Variants in RIMS1 observed in about 807,000 individuals in gnomAD.
RIMS1 encodes regulating synaptic membrane exocytosis 1, also known as regulating synaptic membrane exocytosis protein 1.
In RIMS1, 83 loss-of-function variants were observed where a neutral mutation model predicts 214.1. The observed-to-expected ratio is 0.39, with a 90% confidence interval of 0.32 to 0.47. The LOEUF (loss-of-function observed/expected upper bound fraction) is 0.47. Among genes scored for constraint, RIMS1 ranks in the 20% least tolerant of loss-of-function variants. RIMS1 has a pLI of 0.99. For missense variants in RIMS1, 2,050 were observed against 2,161.8 expected (o/e 0.95, Z 1.03); for synonymous variants, 793 against 786.8 (o/e 1.01, Z -0.13).
chr6:72,256,350 A>T (rs2075874254), intron 16 of RIMS1, among the ~76,000 whole-genome samples: 2 of 152,238 alleles, frequency 1.3e-5, no homozygotes, highest in East Asian at 1.9e-4. Flanking sequence ...GTTACATTAA[A>T]AGTTGTTAAT....
chr6:72,158,302 A>G (rs2044725412), intron 4 of RIMS1, among the ~76,000 whole-genome samples: 1 of 141,298 alleles, frequency 7.1e-6, no homozygotes, highest in African/African-American at 2.5e-5. Flanking sequence ...TCACCAAAGT[A>G]TAATTGCATT....
Position 72,182,558 on chromosome 6 carries a change from C to G in RIMS1, c.1087C>G (p.Arg363Gly). ...GTACCGCAGCGACCCGAACCTAGCT[C>G]GGTACCCGGTGAAACCGCCGCCTGA... The part of the protein sequence containing the change: ...TRYRSDPNLA[R>G]YPVKPPPEEQ... The change falls in exon 6 of 34, where the codon CGG (arginine) becomes GGG (glycine). Residue 363 changes from arginine to glycine, a missense_variant. Transcript: ENST00000521978. 2 of 1,551,066 alleles carry G rather than the reference C, an allele frequency of 1.3e-6. No individual in the cohort carries two copies. The highest frequency in any genetic ancestry group is 1.2e-5 in the South Asian group (1 of 84,150).
At chr6:72,147,863 C>T (rs890484994) in intron 4 of RIMS1, among the ~76,000 whole-genome samples, 1 of 152,080 alleles carries the variant, frequency 6.6e-6, no homozygotes, top group Non-Finnish European at 1.5e-5. Context: ...GAGATTTTTA[C>T]CATTCCTGCA....
At chr6:72,396,290 G>C (rs1476679942) in intron 31 of RIMS1, among the ~76,000 whole-genome samples, 2 of 151,102 alleles carry the variant, frequency 1.3e-5, no homozygotes, top group Non-Finnish European at 2.9e-5. Context: ...GTGTGTATGT[G>C]TGTGTGTATT....
chr6:72,031,739 T>G (rs1008367464), intron 2 of RIMS1, among the ~76,000 whole-genome samples: 5 of 152,178 alleles, frequency 3.3e-5, no homozygotes, highest in African/African-American at 1.2e-4. Context: ...CCTGAAATCC[T>G]TACATTTCAA....
chr6:72,213,110 C>A (rs1458303671), intron 6 of RIMS1: 10 of 1,536,644 alleles, frequency 6.5e-6, no homozygotes, highest in Non-Finnish European at 7.8e-6. Context: ...GATTTATTTC[C>A]AAGTTTGCTG....
At chr6:72,146,282 G>C (rs189126204) in intron 4 of RIMS1, among the ~76,000 whole-genome samples, 3 of 152,242 alleles carry the variant, frequency 2.0e-5, no homozygotes, top group African/African-American at 7.2e-5. Flanking sequence ...AATCTGTCAC[G>C]TGTCTTTCCC....
chr6:72,397,376 G>A (rs370505769), intron 31 of RIMS1, among the ~76,000 whole-genome samples: 1 of 152,090 alleles, frequency 6.6e-6, no homozygotes, highest in Non-Finnish European at 1.5e-5. Context: ...TTAAAATATC[G>A]TTTTAACCAG....
intron 24 of RIMS1, among the ~76,000 whole-genome samples, chr6:72,285,286 G>GT (rs778623598): frequency 4.6e-5 from 7 of 152,170 alleles, no homozygotes; most frequent in Non-Finnish European, 1.0e-4. Flanking sequence ...GGATCTAGGG[G>GT]TAGATGCAAG....
At chr6:72,307,568 A>T (rs1236873118) in intron 27 of RIMS1, among the ~76,000 whole-genome samples, 198 bp downstream of exon 27, 1 of 152,076 alleles carries the variant, frequency 6.6e-6, no homozygotes, top group Non-Finnish European at 1.5e-5. Flanking sequence ...AGACCAGCCA[A>T]CATGGTTAAA....
intron 1 of RIMS1, among the ~76,000 whole-genome samples, chr6:71,917,796 C>T (rs988954599): frequency 5.3e-5 from 8 of 152,026 alleles, no homozygotes; most frequent in Non-Finnish European, 8.8e-5. Flanking sequence ...GGTGTTTGAG[C>T]GATTGACTAC....
At chr6:72,241,458 T>G (rs2066883755) in intron 9 of RIMS1, among the ~76,000 whole-genome samples, 1 of 152,172 alleles carries the variant, frequency 6.6e-6, no homozygotes, top group Non-Finnish European at 1.5e-5. Context: ...AATACTTTTT[T>G]TCACGTGACC....
chr6:72,394,815 G>GTTGATCAAC (rs1486827370), intron 31 of RIMS1, among the ~76,000 whole-genome samples: 2 of 151,994 alleles, frequency 1.3e-5, no homozygotes, highest in African/African-American at 4.8e-5. Context: ...GAACAACAAA[G>GTTGATCAAC]TTGATCAACT....
At chr6:72,316,389 G>C (rs1386465619) in intron 28 of RIMS1, among the ~76,000 whole-genome samples, 1 of 152,140 alleles carries the variant, frequency 6.6e-6, no homozygotes, top group Non-Finnish European at 1.5e-5. Context: ...GGGTATAGGG[G>C]AAACAGAGGC....
rs148195878 is a variant in RIMS1, at chr6:72,042,033, G to A, written c.246-54916G>A. Among the ~76,000 whole-genome samples, 172 of 151,928 alleles carry A rather than the reference G, an allele frequency of 1.1e-3. 2 individuals are homozygous for A. The Middle Eastern group carries it at 0.024, about 21-fold the overall frequency. On this transcript the variant is annotated intron_variant, in intron 2 of 33. Coordinates refer to ENST00000521978, the MANE Select transcript of RIMS1 (RefSeq NM_014989.7). ...TTTTATTTACATTTGTATCTGAGAA[G>A]CCCAAGTCTTGCTTTATATTTTTGT...
At chr6:72,003,051 G>C (rs1267880279) in intron 2 of RIMS1, among the ~76,000 whole-genome samples, 1 of 152,154 alleles carries the variant, frequency 6.6e-6, no homozygotes, top group African/African-American at 2.4e-5. Flanking sequence ...TCAGCTTACA[G>C]GGTGGCCAGA....
At chr6:72,107,055 G>T (rs1039621690) in intron 4 of RIMS1, among the ~76,000 whole-genome samples, 2 of 152,162 alleles carry the variant, frequency 1.3e-5, no homozygotes, top group African/African-American at 4.8e-5. Context: ...GGTCAGAGCA[G>T]CTCAAATGCC....
intron 2 of RIMS1, among the ~76,000 whole-genome samples, chr6:72,040,057 G>A (rs1256583436): frequency 6.6e-6 from 1 of 152,028 alleles, no homozygotes. Context: ...CAGCACATAG[G>A]TTTAGCTACT....
At chr6:72,014,412 T>C (rs1459619701) in intron 2 of RIMS1, among the ~76,000 whole-genome samples, 1 of 152,252 alleles carries the variant, frequency 6.6e-6, no homozygotes, top group Non-Finnish European at 1.5e-5. Context: ...AGGTTCATCC[T>C]TGATGTTGCA....
Sources: allele counts gnomAD v4.1 joint callset (sites outside exome capture counted in the v4.1 genomes callset), GRCh38; gene constraint gnomAD v4.1.1; transcripts MANE v1.5; gene names NCBI Gene and HGNC (gene_info 2026-07-23, HGNC 2026-07-21).